The following ZNF891 variants were observed in gnomAD, a reference collection of about 807,000 sequenced individuals.
The protein encoded by ZNF891 is zinc finger protein 891, also known as hCG1646157.
For synonymous variants in ZNF891, 199 were observed against 209.0 expected (o/e 0.95, Z 0.41); for missense variants, 589 against 632.7 (o/e 0.93, Z 0.74).
rs12809400 is a variant in ZNF891 at position 133,112,436 on chromosome 12, C to T, written c.*7848G>A. ...TCCTGGGTTCAAGTGATTCTCCTGC[C>T]TCAGCCTCCCAGTAGCTGGGACTAC... is the stretch of plus-strand genomic sequence containing the variant. On this transcript the variant is annotated 3_prime_UTR_variant, in exon 2 of 2. Transcript: ENST00000537226. The T allele has an allele frequency of 0.084, 12,907 of 152,776 alleles. 764 individuals are homozygous for T. Among genetic ancestry groups the T allele is most frequent in the South Asian group, 0.17 (809 of 4,830 alleles). The allele number at this position is 152,776 out of a possible 1,614,324, so 9.5% of individuals were successfully genotyped here. A position where few individuals can be genotyped will look rare whatever the true frequency, so the allele number is the denominator to read the frequency against.
rs753312240 is a variant in ZNF891 at position 133,105,932 on chromosome 12, T to C, written c.*14352A>G. 3.7e-6 allele frequency: 6 copies of C among 1,614,102 alleles called. No homozygotes were observed. The highest frequency in any genetic ancestry group is 5.1e-6 in the Non-Finnish European group (6 of 1,180,012). ...ACATACTGGAAAGAAACCCCATGAG[T>C]GTAAGGACTGTAATAAAACATTCAG... On this transcript the variant is annotated 3_prime_UTR_variant, in exon 2 of 2. Coordinates refer to ENST00000537226, the MANE Select transcript of ZNF891 (RefSeq NM_001277291.2).
At position 133,120,584 on chromosome 12, in the gene ZNF891, A is replaced by C; in HGVS notation, c.1335T>G (p.Ser445=). Residue 445 remains serine, a synonymous_variant, in exon 2 of 2, where the codon TCT becomes TCG. Transcript: ENST00000537226. ...GAATTTTCTTATGAACTTTAAGGTG[A>C]GAGCTCGTGTTGAAGGCTTTTCCAC... ...SECGKAFNTS[S]HLKVHKKIHT... The C allele has an allele frequency of 6.4e-7, 1 of 1,559,302 alleles. No individual in the cohort carries two copies. Among genetic ancestry groups the C allele is most frequent in the Non-Finnish European group, 8.7e-7 (1 of 1,152,870 alleles).
Position 133,121,781 on chromosome 12 carries a change from T to G in ZNF891, c.138A>C (p.Lys46Asn). The change falls in exon 2 of 2, where the codon AAA becomes AAC. Residue 46 changes from lysine (K) to asparagine (N), a missense_variant. Physicochemically the swap from Lys to Asn is moderately conservative, Grantham distance 94. Coordinates refer to ENST00000537226, the MANE Select transcript of ZNF891 (RefSeq NM_001277291.2). ...TTWLQEPMTF[K>N]DVAVEFTQEE... Reference sequence around the variant, plus strand: ...CCTGAGTGAACTCCACAGCTACATCTTTGAAAGTCATTGGTTCCTGTAACC... The same window carrying G: ...CCTGAGTGAACTCCACAGCTACATCGTTGAAAGTCATTGGTTCCTGTAACC... The G allele has an allele frequency of 6.5e-7, 1 of 1,536,906 alleles. No homozygotes were observed. Among genetic ancestry groups the G allele is most frequent in the South Asian group, 1.2e-5 (1 of 84,064 alleles).
chr12:133,106,217 T>TCA lies in ZNF891; in HGVS notation c.*14065_*14066dup. 6.2e-7 allele frequency: 1 copy of TCA among 1,614,202 alleles called. No individual in the cohort carries two copies. Among genetic ancestry groups the TCA allele is most frequent in the Middle Eastern group, 1.6e-4 (1 of 6,062 alleles). On this transcript the variant is annotated 3_prime_UTR_variant, in exon 2 of 2. Transcript: ENST00000537226. The stretch of plus-strand genomic sequence containing the variant: ...ATGTGGGAAGGCATTTCGCCGTTTC[T>TCA]CACACCTTACTCGACATCAGAGCAT...
chr12:133,125,758 G>T (rs1322928382), intron 1 of ZNF891: 1 of 452,518 alleles, frequency 2.2e-6, no homozygotes, highest in African/African-American at 2.0e-5. Context: ...TAACACACTT[G>T]TGCTCACTGT....
In ZNF891 at chr12:133,121,127, T is replaced by C. The variant is rs982648783; in HGVS notation, c.792A>G (p.Gln264=). 3.9e-6 allele frequency: 6 copies of C among 1,535,304 alleles called. No homozygotes were observed. The highest frequency in any genetic ancestry group is 3.9e-5 in the Admixed American group (2 of 50,978). Residue 264 remains glutamine (Q), a synonymous_variant, in exon 2 of 2, where the codon CAA becomes CAG. Coordinates refer to ENST00000537226, the MANE Select transcript of ZNF891 (RefSeq NM_001277291.2). ...CATGTTTAGAATATGTGTACTCTTT[T>C]TGTACTGTTTGATTTCTCTGAAAAT... ...LWHFQRNQTV[Q]KEYTYSKHGM...
rs549428605 is a variant in ZNF891, at chr12:133,123,570, T to G, written c.-106-1546A>C. Among the ~76,000 whole-genome samples, 5 of 151,926 alleles carry G rather than the reference T, an allele frequency of 3.3e-5. No individual in the cohort carries two copies. In the East Asian group the frequency reaches 9.7e-4, roughly 29 times the overall value. The stretch of plus-strand genomic sequence containing the variant: ...AAAAAATTTAAATATTAGCCAACCA[T>G]GGTGGCATGCGCCTGAAGCCCCAGC... On this transcript the variant is annotated intron_variant, in intron 1 of 1. Transcript: ENST00000537226.
In ZNF891 at chr12:133,109,422, A is replaced by G. The variant is rs1175248088; in HGVS notation, c.*10862T>C. On this transcript the variant is annotated 3_prime_UTR_variant, in exon 2 of 2. Coordinates refer to ENST00000537226, the MANE Select transcript of ZNF891 (RefSeq NM_001277291.2). ...TATAGGTGGCAATGGCTAAATGATC[A>G]TAGGGTTCCTAGAAATAAATTGATA... The G allele has an allele frequency of 6.6e-6, 1 of 152,218 alleles. No individual in the cohort carries two copies. The highest frequency in any genetic ancestry group is 1.5e-5 in the Non-Finnish European group (1 of 68,046). 9.4% of individuals were successfully genotyped at this position (152,218 alleles called of 1,614,324 possible).
rs61951775 is a variant in ZNF891, at chr12:133,114,755, G to C, written c.*5529C>G. The C allele has an allele frequency of 0.12, 18,163 of 152,238 alleles. 1,419 individuals carry two copies. The highest frequency in any genetic ancestry group is 0.2 in the Middle Eastern group (58 of 294). The allele number at this position is 152,238 out of a possible 1,614,324, so 9.4% of individuals were successfully genotyped here. The stretch of plus-strand genomic sequence containing the variant: ...GATAAATAGGACAGGTTAAATTAGG[G>C]AGACAGTGAAGATAAAGGGAATAAC... On this transcript the variant is annotated 3_prime_UTR_variant, in exon 2 of 2. Coordinates refer to ENST00000537226, the MANE Select transcript of ZNF891 (RefSeq NM_001277291.2).
chr12:133,105,440 A>C lies in ZNF891; in HGVS notation c.*14844T>G. The stretch of plus-strand genomic sequence containing the variant: ...TGAAACTTCATTCTGTTGCTAAAGA[A>C]GGGAGAAATGGCCTTATTTTATTCA... On this transcript the variant is annotated 3_prime_UTR_variant, in exon 2 of 2. Transcript: ENST00000537226. The C allele has an allele frequency of 7.0e-7, 1 of 1,433,940 alleles. No individual in the cohort carries two copies. The highest frequency in any genetic ancestry group is 2.4e-5 in the East Asian group (1 of 41,416). 88.8% of individuals were successfully genotyped at this position (1,433,940 alleles called of 1,614,324 possible). A position where few individuals can be genotyped will look rare whatever the true frequency, so the allele number is the denominator to read the frequency against.
rs751147926 is a variant in ZNF891 at position 133,120,909 on chromosome 12, AAAGT to A, written c.1006_1009del (p.Thr336TyrfsTer27). On this transcript the variant is annotated frameshift_variant, in exon 2 of 2. Transcript: ENST00000537226. LOFTEE classifies it low-confidence loss of function (END_TRUNC). ...CTCACCCATGTGACTTTTCTTGTAT[AAAGT>A]AAGATTAGAAATCCTTTTGAAGGCT... is the stretch of plus-strand genomic sequence containing the variant. 9.8e-6 allele frequency: 15 copies of A among 1,537,720 alleles called. No individual in the cohort carries two copies. Among genetic ancestry groups the A allele is most frequent in the Non-Finnish European group, 1.2e-5 (14 of 1,146,904 alleles).
Position 133,121,823 on chromosome 12 carries a change from A to C in ZNF891, c.96T>G (p.Ala32=). The change falls in exon 2 of 2, where the codon GCT becomes GCG. Residue 32 remains alanine (A), a synonymous_variant. Coordinates refer to ENST00000537226, the MANE Select transcript of ZNF891 (RefSeq NM_001277291.2). ...LRNAEEERMI[A]VFLTTWLQEP... ...CCTGTAACCAGGTTGTCAGAAATAC[A>C]GCAATCATCCTTTCCTCTTCAGCAT... The C allele has an allele frequency of 6.5e-7, 1 of 1,536,790 alleles. No homozygotes were observed. The highest frequency in any genetic ancestry group is 2.4e-5 in the East Asian group (1 of 40,922).
chr12:133,122,682 A>G (rs763898180), intron 1 of ZNF891, among the ~76,000 whole-genome samples: 2 of 152,152 alleles, frequency 1.3e-5, no homozygotes, highest in Non-Finnish European at 2.9e-5. Context: ...GGTGCAGCAC[A>G]TGTTTACTTA....
At position 133,105,378 on chromosome 12, in the gene ZNF891, A is replaced by T. The variant is rs1955554312; in HGVS notation, c.*14906T>A. On this transcript the variant is annotated 3_prime_UTR_variant, in exon 2 of 2. Transcript: ENST00000537226. ...GTTCTGGGCATACTACTCAGATTTC[A>T]GTCACAGCTGTGAAAGCTGCTATTG... 1.1e-6 allele frequency: 1 copy of T among 873,354 alleles called. No homozygotes were observed. The allele number at this position is 873,354 out of a possible 1,614,324, so 54.1% of individuals were successfully genotyped here.
Position 133,114,846 on chromosome 12 carries a change from GA to G in ZNF891, c.*5437del, listed in dbSNP as rs1955706485. 1 of 152,182 alleles carries G rather than the reference GA, an allele frequency of 6.6e-6. No homozygotes were observed. The allele number at this position is 152,182 out of a possible 1,614,324, so 9.4% of individuals were successfully genotyped here. On this transcript the variant is annotated 3_prime_UTR_variant, in exon 2 of 2. Transcript: ENST00000537226. ...TTGTAAAAAGATTTTATCTTAACTG[GA>G]GAAAAAGGCCAGAAGAAGATTAAAC...
chr12:133,106,710 C>G lies in ZNF891; in HGVS notation c.*13574G>C. 7.1e-7 allele frequency: 1 copy of G among 1,408,630 alleles called. No individual in the cohort carries two copies. The highest frequency in any genetic ancestry group is 9.5e-7 in the Non-Finnish European group (1 of 1,050,742). The allele number at this position is 1,408,630 out of a possible 1,614,324, so 87.3% of individuals were successfully genotyped here. On this transcript the variant is annotated 3_prime_UTR_variant, in exon 2 of 2. Transcript: ENST00000537226. ...GAATTTTTTAAAAAGAAGTATAATG[C>G]CTTACTTCAGAGAACTCTTGGAAAG...
rs145499725 is a variant in ZNF891, at chr12:133,105,488, C to CT, written c.*14795dup. 389,602 of 1,516,550 alleles carry CT rather than the reference C, an allele frequency of 0.26. 42,928 individuals are homozygous for CT. Among genetic ancestry groups the CT allele is most frequent in the Non-Finnish European group, 0.28 (315,010 of 1,126,692 alleles). The allele number at this position is 1,516,550 out of a possible 1,614,324, so 93.9% of individuals were successfully genotyped here. ...TCAATACAGGAAAAAGAAACATTCA[C>CT]TTTTTTTTTGGTATCTTTCAGTTTC... is the stretch of plus-strand genomic sequence containing the variant. On this transcript the variant is annotated 3_prime_UTR_variant, in exon 2 of 2. Transcript: ENST00000537226.
In ZNF891 at chr12:133,105,615, T is replaced by C. The variant is rs1258512101; in HGVS notation, c.*14669A>G. On this transcript the variant is annotated 3_prime_UTR_variant, in exon 2 of 2. Coordinates refer to ENST00000537226, the MANE Select transcript of ZNF891 (RefSeq NM_001277291.2). ...GAAAGAATTCTAAGTCAAGGCCCTG[T>C]GTATTCCAGTTTTAAAGGAGGCTGG... 4.5e-5 allele frequency: 72 copies of C among 1,614,052 alleles called. No individual in the cohort carries two copies. Among genetic ancestry groups the C allele is most frequent in the Non-Finnish European group, 5.8e-5 (69 of 1,180,032 alleles).
At position 133,106,704 on chromosome 12, in the gene ZNF891, A is replaced by AAGGCATTATACTTCTTT; in HGVS notation, c.*13579_*13580insAAAGAAGTATAATGCCT. 1 of 1,445,552 alleles carries AAGGCATTATACTTCTTT rather than the reference A, an allele frequency of 6.9e-7. No individual in the cohort carries two copies. Among genetic ancestry groups the AAGGCATTATACTTCTTT allele is most frequent in the Non-Finnish European group, 9.2e-7 (1 of 1,081,624 alleles). The allele number at this position is 1,445,552 out of a possible 1,614,324, so 89.5% of individuals were successfully genotyped here. ...TGTATGGAATTTTTTAAAAAGAAGT[A>AAGGCATTATACTTCTTT]TAATGCCTTACTTCAGAGAACTCTT... On this transcript the variant is annotated 3_prime_UTR_variant, in exon 2 of 2. Transcript: ENST00000537226.
Sources: gnomAD v4.1 joint callset for allele counts (sites outside exome capture counted in the v4.1 genomes callset) on GRCh38, gnomAD v4.1.1 for gene constraint, MANE v1.5 for transcripts, NCBI Gene and HGNC (gene_info 2026-07-23, HGNC 2026-07-21) for gene names.